Variants in FAM149B1 observed in about 807,000 individuals in gnomAD.
FAM149B1 encodes the protein family with sequence similarity 149 member B1, also known as primary cilium assembly protein FAM149B1.
A neutral mutation model predicts 75.3 loss-of-function variants in FAM149B1; 56 were observed. That is an observed-to-expected ratio of 0.74 (90% CI 0.60 to 0.93). FAM149B1 has a LOEUF of 0.93. FAM149B1 is among the 40% of genes least tolerant of loss of function. FAM149B1 has a pLI of 0.00. For missense variants in FAM149B1, 639 were observed against 708.4 expected (o/e 0.90, Z 1.11); for synonymous variants, 259 against 256.1 (o/e 1.01, Z -0.11).
chr10:73,188,756 GGGAAGGAAGGAA>G (rs71021548), intron 3 of FAM149B1, among the ~76,000 whole-genome samples: 2,595 of 129,466 alleles, frequency 0.02, 35 homozygotes, highest in Middle Eastern at 0.031. Flanking sequence ...GAAGGAAGGA[GGGAAGGAAGGAA>G]GGAAGGAAGG....
At chr10:73,196,884 G>C (rs1293890099) in intron 5 of FAM149B1, among the ~76,000 whole-genome samples, 2 of 152,220 alleles carry the variant, frequency 1.3e-5, no homozygotes, top group Non-Finnish European at 2.9e-5. Flanking sequence ...TCTTGGGCCA[G>C]AAGAAAGTGC....
intron 1 of FAM149B1, among the ~76,000 whole-genome samples, chr10:73,170,243 C>A (rs1384464563): frequency 6.6e-6 from 1 of 152,126 alleles, no homozygotes; most frequent in Non-Finnish European, 1.5e-5. Flanking sequence ...GACCCCCACA[C>A]CTGTAATCCT....
At chr10:73,222,171 A>G (rs1481424035) in intron 7 of FAM149B1, among the ~76,000 whole-genome samples, 1 of 152,102 alleles carries the variant, frequency 6.6e-6, no homozygotes, top group Admixed American at 6.5e-5. Context: ...TCTTTTTATT[A>G]CTGCATATTT....
At chr10:73,213,833 G>A (rs1157478671) in intron 7 of FAM149B1, among the ~76,000 whole-genome samples, 2 of 152,064 alleles carry the variant, frequency 1.3e-5, no homozygotes, top group Admixed American at 1.3e-4. Context: ...TGAATTTTAG[G>A]ATTTTTTTTC....
intron 5 of FAM149B1, chr10:73,200,452 C>A: frequency 1.6e-6 from 1 of 614,882 alleles, no homozygotes. Context: ...AATGCAAAAA[C>A]TGCAGGCTGA....
At position 73,244,017 on chromosome 10, in the gene FAM149B1, T is replaced by G. The variant is rs1007986754; in HGVS notation, c.*2998T>G. On this transcript the variant is annotated 3_prime_UTR_variant, in exon 14 of 14. Transcript: ENST00000242505. ...CCCAAAAGCAAATCTATAATTCTGT[T>G]TCAATTTTATGAATATATGAATAGA... 1.9e-6 allele frequency: 2 copies of G among 1,066,448 alleles called. No homozygotes were observed. The highest frequency in any genetic ancestry group is 2.8e-6 in the Non-Finnish European group (2 of 714,836). The allele number at this position is 1,066,448 out of a possible 1,614,324, so 66.1% of individuals were successfully genotyped here. A position where few individuals can be genotyped will look rare whatever the true frequency, so the allele number is the denominator to read the frequency against.
intron 7 of FAM149B1, among the ~76,000 whole-genome samples, chr10:73,221,907 A>T (rs2043424119): frequency 6.6e-6 from 1 of 151,952 alleles, no homozygotes; most frequent in South Asian, 2.1e-4. Flanking sequence ...TTCTTCTACA[A>T]CGTTGAATCT....
At position 73,244,191 on chromosome 10, in the gene FAM149B1, C is replaced by G. The variant is rs542257523; in HGVS notation, c.*3172C>G. 8 of 434,648 alleles carry G rather than the reference C, an allele frequency of 1.8e-5. No homozygotes were observed. Among genetic ancestry groups the G allele is most frequent in the African/African-American group, 1.7e-4 (8 of 48,066 alleles). 26.9% of individuals were successfully genotyped at this position (434,648 alleles called of 1,614,324 possible). A position where few individuals can be genotyped will look rare whatever the true frequency, so the allele number is the denominator to read the frequency against. ...TAAGTACTCTGGCACTCATAAATCA[C>G]ATGATGATAAAAAGGAACATGAGGC... On this transcript the variant is annotated 3_prime_UTR_variant, in exon 14 of 14. Transcript: ENST00000242505.
At chr10:73,172,067 A>C (rs1669279402) in intron 1 of FAM149B1, among the ~76,000 whole-genome samples, 1 of 150,104 alleles carries the variant, frequency 6.7e-6, no homozygotes. Flanking sequence ...TCATAGTGCC[A>C]TTATTAAATT....
rs965156803 is a variant in FAM149B1, at chr10:73,242,410, A to T, written c.*1391A>T. ...TGGATCAATATGGCTTGCCTTTCAA[A>T]GTTAAAGAATCAGAAAGGGGCCTGT... On this transcript the variant is annotated 3_prime_UTR_variant, in exon 14 of 14. Transcript: ENST00000242505. 1 of 149,090 alleles carries T rather than the reference A, an allele frequency of 6.7e-6. No individual in the cohort carries two copies. The highest frequency in any genetic ancestry group is 2.5e-5 in the African/African-American group (1 of 39,982). The allele number at this position is 149,090 out of a possible 1,614,324, so 9.2% of individuals were successfully genotyped here.
chr10:73,221,905 C>T (rs537948729), intron 7 of FAM149B1, among the ~76,000 whole-genome samples: 3 of 152,178 alleles, frequency 2.0e-5, no homozygotes, highest in African/African-American at 7.2e-5. Context: ...TTTTCTTCTA[C>T]AACGTTGAAT....
chr10:73,238,398 A>G (rs2043870626), intron 12 of FAM149B1, among the ~76,000 whole-genome samples: 1 of 152,244 alleles, frequency 6.6e-6, no homozygotes, highest in Non-Finnish European at 1.5e-5. Context: ...ACTACAGACT[A>G]GCACTTTGCT....
Position 73,233,105 on chromosome 10 carries a change from A to T in FAM149B1, c.1294A>T (p.Ser432Cys), listed in dbSNP as rs200426792. ...ACGAACTCTTCATCCGATCAGCACG[A>T]GCCATTCATGTGCTGAAACACCAAG... is the stretch of plus-strand genomic sequence containing the variant. Reference protein sequence around the residue: ...PPRTLHPISTSHSCAETPRSV... With the variant: ...PPRTLHPISTCHSCAETPRSV... Residue 432 changes from serine to cysteine, a missense_variant, in exon 10 of 14, where the codon AGC becomes TGC. By Grantham distance (112) the Ser-to-Cys change is moderately radical. Transcript: ENST00000242505. 2.1e-4 allele frequency: 327 copies of T among 1,551,652 alleles called. 1 individual carries two copies. The highest frequency in any genetic ancestry group is 3.4e-5 in the Non-Finnish European group (39 of 1,147,016).
chr10:73,217,195 T>C (rs1285132536), intron 7 of FAM149B1, among the ~76,000 whole-genome samples: 1 of 152,240 alleles, frequency 6.6e-6, no homozygotes, highest in Admixed American at 6.5e-5. Context: ...TGTTTATCTG[T>C]TGATGGCCAG....
At chr10:73,214,198 G>A (rs183074102) in intron 7 of FAM149B1, among the ~76,000 whole-genome samples, 14 of 152,200 alleles carry the variant, frequency 9.2e-5, no homozygotes, top group African/African-American at 2.9e-4. Context: ...TTTATTTATC[G>A]AATCTAAGTT....
rs1341720549 is a variant in FAM149B1 at position 73,208,784 on chromosome 10, T to C, written c.708T>C (p.Asp236=). 3 of 1,491,996 alleles carry C rather than the reference T, an allele frequency of 2.0e-6. No individual in the cohort carries two copies. In the African/African-American group the frequency reaches 4.2e-5, roughly 21 times the overall value. 92.4% of individuals were successfully genotyped at this position (1,491,996 alleles called of 1,614,324 possible). ...AATACCTAGCATTCGATCACATAGA[T>C]ATGTGAGTATTATGCCTTTTAAGCT... is the stretch of plus-strand genomic sequence containing the variant. The part of the protein sequence containing the change: ...IEEYLAFDHI[D]IEEGFHGKKS... The change falls in exon 6 of 14, where the codon GAT becomes GAC. Residue 236 remains aspartate, a splice_region_variant and synonymous_variant. Transcript: ENST00000242505.
At position 73,199,362 on chromosome 10, in the gene FAM149B1, C is replaced by G. The variant is rs551456342; in HGVS notation, c.542+5769C>G. 2.0e-5 allele frequency among the ~76,000 whole-genome samples: 3 copies of G among 152,016 alleles called. No individual in the cohort carries two copies. The South Asian group carries it at 6.2e-4, about 32-fold the overall frequency. On this transcript the variant is annotated intron_variant, in intron 5 of 13. Transcript: ENST00000242505. ...CCTCCCGAGTAGCTGGGACTACAGG[C>G]GCCCACCACCACGCCCGGCTAATTT...
chr10:73,243,655 C>T lies in FAM149B1; in HGVS notation c.*2636C>T. 2 of 1,240,844 alleles carry T rather than the reference C, an allele frequency of 1.6e-6. No homozygotes were observed. Among genetic ancestry groups the T allele is most frequent in the South Asian group, 1.5e-5 (1 of 68,330 alleles). The allele number at this position is 1,240,844 out of a possible 1,614,324, so 76.9% of individuals were successfully genotyped here. A position where few individuals can be genotyped will look rare whatever the true frequency, so the allele number is the denominator to read the frequency against. On this transcript the variant is annotated 3_prime_UTR_variant, in exon 14 of 14. Coordinates refer to ENST00000242505, the MANE Select transcript of FAM149B1 (RefSeq NM_173348.2). The stretch of plus-strand genomic sequence containing the variant: ...TTTTTGGAATGGTGAAAATGTCCTA[C>T]AATTGGTGTTAATAATTGTAAAACT...
intron 7 of FAM149B1, among the ~76,000 whole-genome samples, chr10:73,218,000 C>G (rs1227177355): frequency 1.3e-5 from 2 of 152,120 alleles, no homozygotes; most frequent in East Asian, 3.8e-4. Flanking sequence ...TAGATGTAAT[C>G]TATTCAGTAC....
Sources: allele counts gnomAD v4.1 joint callset (sites outside exome capture counted in the v4.1 genomes callset), GRCh38; gene constraint gnomAD v4.1.1; transcripts MANE v1.5; gene names NCBI Gene and HGNC (gene_info 2026-07-23, HGNC 2026-07-21).